Variants in CSMD1 observed in about 807,000 individuals in gnomAD.
CSMD1 encodes CUB and sushi domain-containing protein 1.
Under a neutral mutation model 417.5 loss-of-function variants are expected in CSMD1, and 213 were observed. The observed-to-expected ratio is 0.51, with a 90% CI of 0.46 to 0.57. CSMD1 has a LOEUF of 0.57. Among genes scored for constraint, CSMD1 ranks in the 20% least tolerant of loss-of-function variants. The pLI is 0.00. For missense variants in CSMD1, 6,923 were observed against 4,529.7 expected, an observed-to-expected ratio of 1.53 and a Z score of -15.17; for synonymous variants, 2,862 against 1,736.8, an observed-to-expected ratio of 1.65 and a Z score of -16.11.
At chr8:3,820,277 T>C (rs1005161201) in intron 5 of CSMD1, among the ~76,000 whole-genome samples, 15 of 152,138 alleles carry the variant, frequency 9.9e-5, no homozygotes, top group Non-Finnish European at 1.9e-4. Flanking sequence ...GGTAGAAATA[T>C]GTGTAGGATA....
At chr8:4,496,651 G>T (rs1277871054) in intron 2 of CSMD1, among the ~76,000 whole-genome samples, 1 of 151,724 alleles carries the variant, frequency 6.6e-6, no homozygotes, top group Non-Finnish European at 1.5e-5. Flanking sequence ...AGCTCCTTTT[G>T]GTCTCCCCCT....
intron 5 of CSMD1, among the ~76,000 whole-genome samples, chr8:3,883,493 C>A (rs1806346997): frequency 6.6e-6 from 1 of 152,146 alleles, no homozygotes; most frequent in African/African-American, 2.4e-5. Context: ...CACAAATATA[C>A]CTTTTCACTG....
At chr8:3,977,416 T>C (rs1813518540) in intron 5 of CSMD1, among the ~76,000 whole-genome samples, 1 of 152,224 alleles carries the variant, frequency 6.6e-6, no homozygotes, top group South Asian at 2.1e-4. Context: ...GTTTTTGTTG[T>C]TGTTCCTGTT....
At chr8:3,549,502 T>C (rs1240345640) in intron 10 of CSMD1, among the ~76,000 whole-genome samples, 1 of 152,216 alleles carries the variant, frequency 6.6e-6, no homozygotes, top group Non-Finnish European at 1.5e-5. Context: ...AAGAATAGCT[T>C]GGGTCGTCAG....
chr8:3,447,366 T>C (rs1325544035), intron 12 of CSMD1, among the ~76,000 whole-genome samples: 1 of 151,574 alleles, frequency 6.6e-6, no homozygotes, highest in Non-Finnish European at 1.5e-5. Context: ...GGGAAAGGAA[T>C]GAATAAAAGA....
At chr8:4,631,398 G>GTT (rs566703213) in intron 2 of CSMD1, among the ~76,000 whole-genome samples, 15,332 of 138,240 alleles carry the variant, frequency 0.11, 969 homozygotes, top group African/African-American at 0.19. Context: ...ACCTTGGTTT[G>GTT]TTTTTTTTTT....
intron 1 of CSMD1, among the ~76,000 whole-genome samples, chr8:4,857,144 A>C (rs1801850332): frequency 6.6e-6 from 1 of 151,330 alleles, no homozygotes; most frequent in Non-Finnish European, 1.5e-5. Context: ...ATGGAAACTG[A>C]ACAACCTGCT....
At chr8:3,720,083 C>G (rs985194896) in intron 6 of CSMD1, among the ~76,000 whole-genome samples, 10 of 152,316 alleles carry the variant, frequency 6.6e-5, no homozygotes, top group Admixed American at 6.5e-4. Flanking sequence ...AAATGAAGAA[C>G]TTTCCAAGTC....
Position 3,616,417 on chromosome 8 carries a change from T to C in CSMD1, c.1097+293A>G, listed in dbSNP as rs1802140707. Reference sequence around the variant, plus strand: ...CCATGATTGTAAGTTTCCTGAGACCTCCTCAACCATGCTGAACTATGAGTC... The same window carrying C: ...CCATGATTGTAAGTTTCCTGAGACCCCCTCAACCATGCTGAACTATGAGTC... On this transcript the variant is annotated intron_variant, in intron 8 of 69. Transcript: ENST00000635120. 2.0e-5 allele frequency among the ~76,000 whole-genome samples: 3 copies of C among 152,298 alleles called. No individual in the cohort carries two copies. The South Asian group carries it at 6.2e-4, about 32-fold the overall frequency.
At chr8:4,614,888 T>C (rs1585333882) in intron 2 of CSMD1, among the ~76,000 whole-genome samples, 1 of 152,334 alleles carries the variant, frequency 6.6e-6, no homozygotes, top group African/African-American at 2.4e-5. Context: ...TAATATTTTC[T>C]CTAGAGTAAA....
At chr8:4,509,266 T>G (rs1037928234) in intron 2 of CSMD1, among the ~76,000 whole-genome samples, 1 of 152,228 alleles carries the variant, frequency 6.6e-6, no homozygotes, top group East Asian at 1.9e-4. Flanking sequence ...TATGCCATAT[T>G]TTCTTTTATA....
Position 3,560,669 on chromosome 8 carries a change from G to T in CSMD1, c.1344+14276C>A, listed in dbSNP as rs535665256. Among the ~76,000 whole-genome samples, 25 of 152,216 alleles carry T rather than the reference G, an allele frequency of 1.6e-4. No homozygotes were observed. The South Asian group carries it at 4.4e-3, about 27-fold the overall frequency. On this transcript the variant is annotated intron_variant, in intron 10 of 69. Transcript: ENST00000635120. ...CTAGATATTTCTATTGTCTTTTACT[G>T]TCTTCATGGAAACCATGAATTTCTC...
At chr8:4,600,025 G>T (rs189062922) in intron 2 of CSMD1, among the ~76,000 whole-genome samples, 1 of 152,132 alleles carries the variant, frequency 6.6e-6, no homozygotes, top group Admixed American at 6.5e-5. Context: ...GTTGGTTACC[G>T]CAGAACAGAT....
intron 1 of CSMD1, among the ~76,000 whole-genome samples, chr8:4,949,922 G>C (rs886514901): frequency 8.5e-5 from 13 of 152,220 alleles, no homozygotes; most frequent in Admixed American, 6.5e-4. Flanking sequence ...GAGTGTGTGT[G>C]TGTGTGTGTA....
intron 10 of CSMD1, among the ~76,000 whole-genome samples, chr8:3,548,700 A>ACC (rs1798782707): frequency 1.4e-5 from 2 of 142,448 alleles, no homozygotes; most frequent in East Asian, 2.0e-4. Flanking sequence ...ACACACACAC[A>ACC]CCATGGTTTC....
Position 4,713,040 on chromosome 8 carries a change from T to C in CSMD1, c.86-75482A>G, listed in dbSNP as rs140945575. 3.7e-3 allele frequency among the ~76,000 whole-genome samples: 559 copies of C among 152,328 alleles called. 2 individuals are homozygous for C. Among genetic ancestry groups the C allele is most frequent in the African/African-American group, 0.013 (534 of 41,580 alleles). ...TGACTACAAGGTGTGATCTTAGGGATACTGGGAAAGGTCTTCTGCCAGAAT... is the reference window on the plus strand; with the variant it reads ...TGACTACAAGGTGTGATCTTAGGGACACTGGGAAAGGTCTTCTGCCAGAAT... On this transcript the variant is annotated intron_variant, in intron 1 of 69. Transcript: ENST00000635120.
chr8:3,398,635 C>T (rs1811845149), intron 16 of CSMD1, among the ~76,000 whole-genome samples: 1 of 152,140 alleles, frequency 6.6e-6, no homozygotes, highest in Admixed American at 6.5e-5. Context: ...TTAGAGAAAG[C>T]CCAATGTTAT....
At chr8:4,929,059 G>A (rs1328599316) in intron 1 of CSMD1, among the ~76,000 whole-genome samples, 1 of 152,092 alleles carries the variant, frequency 6.6e-6, no homozygotes, top group African/African-American at 2.4e-5. Flanking sequence ...GTGACAAAGT[G>A]ACACTCTATC....
intron 2 of CSMD1, among the ~76,000 whole-genome samples, chr8:4,427,037 G>C (rs1043124891): frequency 3.9e-5 from 6 of 152,078 alleles, no homozygotes; most frequent in African/African-American, 9.7e-5. Flanking sequence ...ACGAGAACTG[G>C]TGTAGACGGA....
Sources: allele counts gnomAD v4.1 joint callset (sites outside exome capture counted in the v4.1 genomes callset), GRCh38; gene constraint gnomAD v4.1.1; transcripts MANE v1.5; gene names NCBI Gene and HGNC (gene_info 2026-07-23, HGNC 2026-07-21).